The following IDO2 variants were observed in gnomAD, a reference collection of about 807,000 sequenced individuals.
IDO2 encodes indoleamine 2,3-dioxygenase-like 1 protein.
IDO2 carries 46 observed loss-of-function variants against 45.1 expected under a neutral mutation model. The ratio of observed to expected loss-of-function variants is 1.02; its 90% CI spans 0.80 to 1.30. The LOEUF (loss-of-function observed/expected upper bound fraction) is 1.30. Among genes scored for constraint, IDO2 ranks in the 50% most tolerant of loss-of-function variants. IDO2 has a pLI of 0.00. For synonymous variants in IDO2, 218 were observed against 184.9 expected, an observed-to-expected ratio of 1.18 and a Z score of -1.45; for missense variants, 544 against 491.8, an observed-to-expected ratio of 1.11 and a Z score of -1.00.
intron 3 of IDO2, among the ~76,000 whole-genome samples, chr8:39,977,102 T>A (rs1193355647): frequency 1.3e-5 from 2 of 152,060 alleles, no homozygotes; most frequent in African/African-American, 2.4e-5. Context: ...CTAAAAAAAA[T>A]TTTAGAACAT....
chr8:39,935,622 G>C (rs1192323066), intron 1 of IDO2, among the ~76,000 whole-genome samples: 1 of 152,042 alleles, frequency 6.6e-6, no homozygotes, highest in Non-Finnish European at 1.5e-5. Context: ...GCTAATTTTT[G>C]TACTTTTAGT....
intron 9 of IDO2, among the ~76,000 whole-genome samples, chr8:40,012,737 G>C (rs556896864): frequency 2.1e-3 from 327 of 152,240 alleles, no homozygotes; most frequent in Admixed American, 5.8e-3. Context: ...GAGAGGAAAG[G>C]TGGGGAGGAG....
intron 8 of IDO2, among the ~76,000 whole-genome samples, chr8:40,001,016 A>G (rs1802126881): frequency 6.6e-6 from 1 of 152,114 alleles, no homozygotes; most frequent in Admixed American, 6.6e-5. Context: ...TTATGTAGAA[A>G]CAAGGTCTCG....
intron 1 of IDO2, among the ~76,000 whole-genome samples, chr8:39,941,158 G>T (rs1483828552): frequency 7.2e-6 from 1 of 138,556 alleles, no homozygotes; most frequent in East Asian, 2.3e-4. Context: ...GAAGGCAGAG[G>T]CTACAGTGAG....
intron 7 of IDO2, among the ~76,000 whole-genome samples, chr8:39,988,290 T>C (rs1808453419): frequency 6.6e-6 from 1 of 152,110 alleles, no homozygotes; most frequent in African/African-American, 2.4e-5. Flanking sequence ...TGAAGATGGA[T>C]TAACGTGGAT....
chr8:40,002,728 C>A (rs562779373), intron 8 of IDO2, among the ~76,000 whole-genome samples: 1 of 151,960 alleles, frequency 6.6e-6, no homozygotes, highest in African/African-American at 2.4e-5. Flanking sequence ...TGCAGTGAGC[C>A]GCGATCATGC....
chr8:40,010,290 G>A (rs998137883), intron 9 of IDO2, among the ~76,000 whole-genome samples: 4 of 152,158 alleles, frequency 2.6e-5, no homozygotes, highest in Admixed American at 6.5e-5. Context: ...ATAACCCTGA[G>A]GTGGGAGCGT....
intron 3 of IDO2, among the ~76,000 whole-genome samples, chr8:39,970,920 C>G (rs1808168777): frequency 1.3e-5 from 2 of 151,902 alleles, no homozygotes; most frequent in South Asian, 4.2e-4. Context: ...GCACGTGCCA[C>G]CATGCCCAGC....
Position 40,009,694 on chromosome 8 carries a change from A to G in IDO2, c.720-3871A>G, listed in dbSNP as rs546531206. Among the ~76,000 whole-genome samples the G allele has an allele frequency of 2.0e-5, 3 of 152,332 alleles. No individual in the cohort carries two copies. The East Asian group carries it at 5.8e-4, about 29-fold the overall frequency. On this transcript the variant is annotated intron_variant, in intron 9 of 10. Coordinates refer to ENST00000502986, the Ensembl canonical transcript of IDO2. Reference sequence around the variant, plus strand: ...CCTAGAGAACATGAGTTTTTAAAGTAGATGTGCTTCTTTTATCTTTTTGGA... The same window carrying G: ...CCTAGAGAACATGAGTTTTTAAAGTGGATGTGCTTCTTTTATCTTTTTGGA...
chr8:39,982,826 A>C, intron 5 of IDO2, 56 bp downstream of exon 5: 1 of 1,170,022 alleles, frequency 8.5e-7, no homozygotes, highest in Non-Finnish European at 1.2e-6. Context: ...GGAAACACCC[A>C]GGCTTTTTTT....
chr8:39,954,009 A>G, intron 2 of IDO2, among the ~76,000 whole-genome samples: 1 of 152,150 alleles, frequency 6.6e-6, no homozygotes, highest in East Asian at 1.9e-4. Flanking sequence ...CTCTAGTTTC[A>G]ACTTAATAAC....
At chr8:39,991,448 C>A (rs557977120) in intron 8 of IDO2, among the ~76,000 whole-genome samples, 7 of 152,008 alleles carry the variant, frequency 4.6e-5, no homozygotes, top group Admixed American at 2.6e-4. Flanking sequence ...CAAAAGGAAG[C>A]AATTTTGGAA....
At chr8:39,946,240 G>T (rs1807727272) in intron 1 of IDO2, among the ~76,000 whole-genome samples, 1 of 152,128 alleles carries the variant, frequency 6.6e-6, no homozygotes, top group Admixed American at 6.5e-5. Context: ...AGAGAGCTTT[G>T]ACTCTCTATG....
chr8:39,985,780 G>T, intron 6 of IDO2: 1 of 394,434 alleles, frequency 2.5e-6, no homozygotes. Context: ...CAAGTAATGT[G>T]CAATGCAAAC....
At chr8:39,963,137 C>T (rs1473824986) in intron 2 of IDO2, among the ~76,000 whole-genome samples, 3 of 152,206 alleles carry the variant, frequency 2.0e-5, no homozygotes, top group African/African-American at 7.2e-5. Flanking sequence ...ACTGAGTCAT[C>T]TTTGTCCCAG....
intron 2 of IDO2, among the ~76,000 whole-genome samples, chr8:39,958,818 A>T (rs867145344): frequency 6.9e-6 from 1 of 145,788 alleles, no homozygotes; most frequent in South Asian, 2.2e-4. Flanking sequence ...CAAAATTTAT[A>T]CTTAATCTAA....
At chr8:39,985,401 T>C (rs1808408619) in intron 5 of IDO2, 107 bp from the exon 6 acceptor site, 1 of 949,136 alleles carries the variant, frequency 1.1e-6, no homozygotes, top group Non-Finnish European at 1.6e-6. Context: ...TGTGCATGCC[T>C]GTGGACATGT....
intron 8 of IDO2, 75 bp downstream of exon 8, chr8:39,989,913 C>A: frequency 1.1e-6 from 1 of 884,152 alleles, no homozygotes. Context: ...GGCCTGGGGA[C>A]CAGGCATGTC....
chr8:39,996,705 G>T (rs577215919), intron 8 of IDO2, among the ~76,000 whole-genome samples: 1 of 152,068 alleles, frequency 6.6e-6, no homozygotes, highest in African/African-American at 2.4e-5. Context: ...ATGAGCCACC[G>T]CATCCAGCCA....
Sources: allele counts gnomAD v4.1 joint callset (sites outside exome capture counted in the v4.1 genomes callset), GRCh38; gene constraint gnomAD v4.1.1; transcripts MANE v1.5; gene names NCBI Gene and HGNC (gene_info 2026-07-23, HGNC 2026-07-21).